The following TRPM3 variants were observed in gnomAD, a reference collection of about 807,000 sequenced individuals.
TRPM3 encodes long transient receptor potential channel 3.
In TRPM3, 77 loss-of-function variants were observed where a neutral mutation model predicts 181.2. That is an observed-to-expected ratio of 0.42 (90% CI 0.35 to 0.51). The LOEUF is 0.51. Ranked by LOEUF, TRPM3 falls within the 20% of genes least tolerant of loss-of-function variation. The probability of loss-of-function intolerance (pLI) is 0.01; values close to 1 mark genes in which losing one functional copy is unlikely to be tolerated. For missense variants in TRPM3, 1,759 were observed against 2,196.7 expected (o/e 0.80, Z 3.98); for synonymous variants, 745 against 796.4 (o/e 0.94, Z 1.09).
At chr9:70,752,050 G>GCA (rs1491341171) in intron 8 of TRPM3, among the ~76,000 whole-genome samples, 9 of 46,114 alleles carry the variant, frequency 2.0e-4, no homozygotes, top group African/African-American at 6.8e-4. Context: ...GTGTGTGTGT[G>GCA]CGCGCGCGCG....
At chr9:70,917,034 C>T in intron 1 of TRPM3, 1 of 1,579,880 alleles carries the variant, frequency 6.3e-7, no homozygotes, top group Non-Finnish European at 8.7e-7. Flanking sequence ...GGTATAGAGA[C>T]TGGTATGTCG....
intron 1 of TRPM3, among the ~76,000 whole-genome samples, chr9:71,378,480 A>G (rs942619879): frequency 1.3e-5 from 2 of 152,140 alleles, no homozygotes; most frequent in African/African-American, 4.8e-5. Context: ...AGGCACTGAC[A>G]GCCTGTGCTA....
intron 5 of TRPM3, among the ~76,000 whole-genome samples, chr9:70,841,263 T>C (rs1163647019): frequency 6.6e-6 from 1 of 152,098 alleles, no homozygotes; most frequent in Non-Finnish European, 1.5e-5. Context: ...GGTCTGCCTA[T>C]ATAACACTTA....
chr9:71,233,098 A>G (rs1248682068), intron 1 of TRPM3, among the ~76,000 whole-genome samples: 2 of 152,200 alleles, frequency 1.3e-5, no homozygotes, highest in African/African-American at 4.8e-5. Flanking sequence ...CAGGGTCTTC[A>G]TTTTACTGTC....
chr9:71,100,171 C>T (rs929311348), intron 1 of TRPM3, among the ~76,000 whole-genome samples: 1 of 152,060 alleles, frequency 6.6e-6, no homozygotes, highest in African/African-American at 2.4e-5. Flanking sequence ...AATTTTAACT[C>T]CATTGATTAA....
At chr9:71,305,892 A>G (rs1385647241) in intron 1 of TRPM3, among the ~76,000 whole-genome samples, 2 of 152,028 alleles carry the variant, frequency 1.3e-5, no homozygotes, top group Admixed American at 6.6e-5. Context: ...AAAAAAATCT[A>G]TCTTATAGGA....
At chr9:70,682,491 T>C (rs2065722348) in intron 8 of TRPM3, among the ~76,000 whole-genome samples, 1 of 152,074 alleles carries the variant, frequency 6.6e-6, no homozygotes, top group Non-Finnish European at 1.5e-5. Context: ...CATTACAGTG[T>C]TGGTGGAGTA....
At chr9:71,440,121 T>C (rs928564952) in intron 1 of TRPM3, among the ~76,000 whole-genome samples, 1 of 151,778 alleles carries the variant, frequency 6.6e-6, no homozygotes, top group Admixed American at 6.6e-5. Flanking sequence ...AGACTCCATC[T>C]CAAAAAATAA....
At chr9:71,446,534 G>C in intron 1 of TRPM3, 1 of 1,038,896 alleles carries the variant, frequency 9.6e-7, no homozygotes, top group Non-Finnish European at 1.4e-6. Context: ...TAGAAGCGGC[G>C]CCACAAGTTC....
chr9:71,431,579 A>C (rs570960269), intron 1 of TRPM3, among the ~76,000 whole-genome samples: 117 of 152,186 alleles, frequency 7.7e-4, no homozygotes, highest in Middle Eastern at 6.8e-3. Context: ...CGTTGCTTAC[A>C]CTCTTTTTAT....
At chr9:70,983,240 C>T (rs1411109008) in intron 1 of TRPM3, among the ~76,000 whole-genome samples, 4 of 152,112 alleles carry the variant, frequency 2.6e-5, no homozygotes, top group Non-Finnish European at 5.9e-5. Context: ...TCATACTTCA[C>T]ACTCTTTTGT....
intron 18 of TRPM3, among the ~76,000 whole-genome samples, chr9:70,612,743 T>C (rs2062170375): frequency 6.6e-6 from 1 of 152,230 alleles, no homozygotes; most frequent in Non-Finnish European, 1.5e-5. Flanking sequence ...TAGAATTCTA[T>C]AAATATTGAT....
At chr9:70,672,479 T>C (rs2063158622) in intron 9 of TRPM3, among the ~76,000 whole-genome samples, 1 of 152,230 alleles carries the variant, frequency 6.6e-6, no homozygotes. Context: ...AGTTTATCTT[T>C]AAACTTTGGT....
intron 6 of TRPM3, among the ~76,000 whole-genome samples, chr9:70,784,829 G>A (rs762389814): frequency 1.3e-5 from 2 of 152,030 alleles, no homozygotes; most frequent in Non-Finnish European, 2.9e-5. Context: ...CTGAATTCTG[G>A]GTCTGTCTTT....
At chr9:71,145,419 G>T (rs923013432) in intron 1 of TRPM3, among the ~76,000 whole-genome samples, 1 of 152,064 alleles carries the variant, frequency 6.6e-6, no homozygotes, top group East Asian at 1.9e-4. Context: ...CTTTGAGAAT[G>T]GATTCTGAAA....
In TRPM3 at chr9:70,603,424, A is replaced by G; in HGVS notation, c.2714T>C (p.Val905Ala). The change falls in exon 20 of 26, where the codon GTG becomes GCG. Residue 905 changes from valine to alanine, a missense_variant. Transcript: ENST00000677713. ...GGTGGACGGCCAGCGTTCCATCTTC[A>G]CTAACACGATATAGTTGAAGAGCAT... ...YLMLFNYIVL[V>A]KMERWPSTQE... 6.2e-7 allele frequency: 1 copy of G among 1,614,102 alleles called. No individual in the cohort carries two copies. The highest frequency in any genetic ancestry group is 8.5e-7 in the Non-Finnish European group (1 of 1,179,994).
At chr9:71,353,430 TC>T (rs2091752375) in intron 1 of TRPM3, among the ~76,000 whole-genome samples, 2 of 152,114 alleles carry the variant, frequency 1.3e-5, no homozygotes, top group South Asian at 4.1e-4. Context: ...GCCCCTACTG[TC>T]CCCTGGCTTT....
At chr9:71,207,771 C>T (rs964112124) in intron 1 of TRPM3, among the ~76,000 whole-genome samples, 13 of 152,140 alleles carry the variant, frequency 8.5e-5, no homozygotes, top group Admixed American at 2.0e-4. Flanking sequence ...TAATGCTTTT[C>T]AACAGATCTT....
intron 7 of TRPM3, among the ~76,000 whole-genome samples, chr9:70,781,108 G>A (rs111962767): frequency 0.053 from 8,037 of 152,024 alleles, 251 homozygotes; most frequent in South Asian, 0.11. Flanking sequence ...GGAGGATCAC[G>A]AGGTTAGGAG....
Sources: allele counts gnomAD v4.1 joint callset (sites outside exome capture counted in the v4.1 genomes callset), GRCh38; gene constraint gnomAD v4.1.1; transcripts MANE v1.5; gene names NCBI Gene and HGNC (gene_info 2026-07-23, HGNC 2026-07-21).